The following GBGT1 variants were observed in gnomAD, a reference collection of about 807,000 sequenced individuals.
GBGT1 encodes the protein globoside alpha-1,3-N-acetylgalactosaminyltransferase 1 (FORS blood group).
In GBGT1, 18 loss-of-function variants were observed where a neutral mutation model predicts 20.9. That is an observed-to-expected ratio of 0.86 (90% CI 0.60 to 1.28). The LOEUF (loss-of-function observed/expected upper bound fraction) is 1.28. Among genes scored for constraint, GBGT1 ranks in the 50% most tolerant of loss-of-function variants. GBGT1 has a pLI of 0.00. For synonymous variants in GBGT1, 168 were observed against 180.8 expected (o/e 0.93, Z 0.57); for missense variants, 432 against 455.7 (o/e 0.95, Z 0.47).
intron 3 of GBGT1, chr9:133,161,087 A>G: frequency 2.5e-6 from 1 of 397,670 alleles, no homozygotes; most frequent in Non-Finnish European, 4.4e-6. Flanking sequence ...TCCATGGAAC[A>G]CAAAATTGAG....
chr9:133,158,544 A>G (rs367582338), intron 3 of GBGT1, among the ~76,000 whole-genome samples: 120 of 152,278 alleles, frequency 7.9e-4, no homozygotes, highest in African/African-American at 2.7e-3. Flanking sequence ...TTGGCTTCCC[A>G]AAGTGCTGGG....
intron 3 of GBGT1, 88 bp from the exon 4 acceptor site, chr9:133,156,153 G>A (rs1832863841): frequency 6.9e-7 from 1 of 1,459,512 alleles, no homozygotes; most frequent in East Asian, 2.4e-5. Flanking sequence ...AGAGGCCCCT[G>A]CGGGTGGGCA....
chr9:133,156,433 G>A (rs1035610180), intron 3 of GBGT1, among the ~76,000 whole-genome samples: 2 of 152,090 alleles, frequency 1.3e-5, no homozygotes, highest in Admixed American at 6.6e-5. Flanking sequence ...AGGCGGAGGC[G>A]GGTGGATCAC....
chr9:133,163,619 C>A (rs1833124921), intron 1 of GBGT1, 135 bp downstream of exon 1: 1 of 152,924 alleles, frequency 6.5e-6, no homozygotes, highest in South Asian at 1.9e-4. Context: ...CGGCCCCAGT[C>A]CGTGGTCGGG....
rs79638633 is a variant in GBGT1, at chr9:133,158,618, T to A, written c.138-2553A>T. On this transcript the variant is annotated intron_variant, in intron 3 of 6. Transcript: ENST00000372040. ...TTTCAATACATCATGTATGATGGGG[T>A]GGCTGAAGCCTCCTTGAACTCTTCC... Among the ~76,000 whole-genome samples the A allele has an allele frequency of 4.5e-3, 682 of 152,282 alleles. 6 individuals carry two copies. The highest frequency in any genetic ancestry group is 0.017 in the Middle Eastern group (5 of 294).
chr9:133,154,968 C>G lies in GBGT1; in HGVS notation c.359+210G>C. 1.8e-6 allele frequency: 1 copy of G among 541,548 alleles called. No homozygotes were observed. The highest frequency in any genetic ancestry group is 2.9e-5 in the East Asian group (1 of 34,366). 33.5% of individuals were successfully genotyped at this position (541,548 alleles called of 1,614,324 possible). A position where few individuals can be genotyped will look rare whatever the true frequency, so the allele number is the denominator to read the frequency against. On this transcript the variant is annotated intron_variant, in intron 6 of 6. Coordinates refer to ENST00000372040, the MANE Select transcript of GBGT1 (RefSeq NM_021996.6). The surrounding 1 kb of genome is among the most constrained non-coding windows in gnomAD (Gnocchi z 4.2). ...TGTCCCCTCACCTGGACTCTGCATC[C>G]TGTCTATGCTAGAGCCAGATCCCCT...
In GBGT1 at chr9:133,155,200, C is replaced by T; in HGVS notation, c.337G>A (p.Val113Ile). Reference protein sequence around the residue: ...IYQPLNLTIGVTVFAVGKYTH... With the variant: ...IYQPLNLTIGITVFAVGKYTH... The stretch of plus-strand genomic sequence containing the variant: ...CACTTCCCCACGGCAAACACCGTGA[C>T]CCCAATGGTCAGGTTCAGTGGCTGG... Residue 113 changes from valine (V) to isoleucine (I), a missense_variant, in exon 6 of 7, where the codon GTC (valine) becomes ATC (isoleucine). Physicochemically the swap from Val to Ile is conservative, Grantham distance 29. Transcript: ENST00000372040. 1 of 1,614,128 alleles carries T rather than the reference C, an allele frequency of 6.2e-7. No individual in the cohort carries two copies. The highest frequency in any genetic ancestry group is 8.5e-7 in the Non-Finnish European group (1 of 1,179,994).
chr9:133,155,792 C>G (rs530378627), intron 5 of GBGT1, 109 bp downstream of exon 5: 68 of 1,186,120 alleles, frequency 5.7e-5, no homozygotes, highest in Non-Finnish European at 3.7e-6. Flanking sequence ...CCCTAACTCT[C>G]TGGGCCCCAA....
At chr9:133,157,063 C>T (rs913327976) in intron 3 of GBGT1, among the ~76,000 whole-genome samples, 6 of 152,114 alleles carry the variant, frequency 3.9e-5, no homozygotes, top group South Asian at 4.1e-4. Context: ...GCGGGCAAAG[C>T]GCTTGAGCCC....
In GBGT1 at chr9:133,162,534, T is replaced by A; in HGVS notation, c.-120-2A>T. On this transcript the variant is annotated splice_acceptor_variant, in intron 1 of 6. Transcript: ENST00000372040. LOFTEE classifies it low-confidence loss of function (5UTR_SPLICE). Reference sequence around the variant, plus strand: ...TGGTCTCTGAGGTCCCAGGAACACCTGCAAAGGAACACTTTTGTTGTTTTG... The same window carrying A: ...TGGTCTCTGAGGTCCCAGGAACACCAGCAAAGGAACACTTTTGTTGTTTTG... 2 of 756,316 alleles carry A rather than the reference T, an allele frequency of 2.6e-6. No homozygotes were observed. The highest frequency in any genetic ancestry group is 1.5e-5 in the South Asian group (1 of 64,870). The allele number at this position is 756,316 out of a possible 1,614,324, so 46.9% of individuals were successfully genotyped here. A position where few individuals can be genotyped will look rare whatever the true frequency, so the allele number is the denominator to read the frequency against.
chr9:133,156,820 G>A (rs549841366), intron 3 of GBGT1, among the ~76,000 whole-genome samples: 123 of 152,242 alleles, frequency 8.1e-4, no homozygotes, highest in African/African-American at 2.8e-3. Flanking sequence ...TACCACCCCC[G>A]GCTGATTTTT....
chr9:133,158,084 G>A (rs1301139397), intron 3 of GBGT1, among the ~76,000 whole-genome samples: 1 of 152,052 alleles, frequency 6.6e-6, no homozygotes, highest in African/African-American at 2.4e-5. Context: ...GGCTGAGGGT[G>A]CAGTGAGCCG....
intron 3 of GBGT1, among the ~76,000 whole-genome samples, chr9:133,159,762 A>G (rs1832976097): frequency 6.6e-6 from 1 of 151,948 alleles, no homozygotes; most frequent in Non-Finnish European, 1.5e-5. Context: ...GTGCCACTGC[A>G]CTCCAGCCTG....
chr9:133,155,732 G>C (rs1832851301), intron 5 of GBGT1, among the ~76,000 whole-genome samples, 169 bp downstream of exon 5: 1 of 152,136 alleles, frequency 6.6e-6, no homozygotes, highest in South Asian at 2.1e-4. Flanking sequence ...ACGCTGCCCA[G>C]GGTCACACAG....
chr9:133,156,245 G>A (rs1470781263), intron 3 of GBGT1, 180 bp from the exon 4 acceptor site: 1 of 657,790 alleles, frequency 1.5e-6, no homozygotes, highest in Non-Finnish European at 2.7e-6. Flanking sequence ...CCCTACAGAA[G>A]TGATCTGTCC....
At chr9:133,158,140 T>C (rs927589836) in intron 3 of GBGT1, among the ~76,000 whole-genome samples, 1 of 150,370 alleles carries the variant, frequency 6.7e-6, no homozygotes, top group African/African-American at 2.4e-5. Flanking sequence ...CAAGACTGCA[T>C]CTCAAAAAAA....
In GBGT1 at chr9:133,154,085, G is replaced by A. The variant is rs770968554; in HGVS notation, c.536C>T (p.Thr179Ile). 8 of 1,613,270 alleles carry A rather than the reference G, an allele frequency of 5.0e-6. No homozygotes were observed. In the South Asian group the frequency reaches 8.8e-5, roughly 18 times the overall value. Reference sequence around the variant, plus strand: ...GATGGTCTCCATCCGGCGCATGGATGTCTCCTCCCAGTGGGAGTGACCCTG... The same window carrying A: ...GATGGTCTCCATCCGGCGCATGGATATCTCCTCCCAGTGGGAGTGACCCTG... ...PIQGHSHWEETSMRRMETISQ... is the reference protein window; with the variant it reads ...PIQGHSHWEEISMRRMETISQ... Residue 179 changes from threonine (T) to isoleucine (I), a missense_variant, in exon 7 of 7, where the codon ACA (threonine) becomes ATA (isoleucine). Physicochemically the swap from Thr to Ile is moderately conservative, Grantham distance 89 (BLOSUM62 -1). Coordinates refer to ENST00000372040, the MANE Select transcript of GBGT1 (RefSeq NM_021996.6). The surrounding 1 kb of genome is among the most constrained non-coding windows in gnomAD (Gnocchi z 4.2).
intron 2 of GBGT1, among the ~76,000 whole-genome samples, chr9:133,161,932 G>C (rs1833060314): frequency 6.6e-6 from 1 of 152,198 alleles, no homozygotes; most frequent in African/African-American, 2.4e-5. Context: ...AAAAGAGCAA[G>C]TCAAAGGCCA....
chr9:133,159,279 C>T (rs1272867423), intron 3 of GBGT1, among the ~76,000 whole-genome samples: 1 of 152,174 alleles, frequency 6.6e-6, no homozygotes, highest in Non-Finnish European at 1.5e-5. Context: ...ACTCTTGAAT[C>T]AACAATTTTT....
Sources: allele counts gnomAD v4.1 joint callset (sites outside exome capture counted in the v4.1 genomes callset), GRCh38; gene constraint gnomAD v4.1.1; non-coding constraint Gnocchi (gnomAD v3.1); transcripts MANE v1.5; gene names NCBI Gene and HGNC (gene_info 2026-07-23, HGNC 2026-07-21).